The following TBC1D2 variants were observed in gnomAD, a reference collection of about 807,000 sequenced individuals.
TBC1D2 encodes the protein TBC1 domain family member 2A.
A neutral mutation model predicts 91.1 loss-of-function variants in TBC1D2; 58 were observed. The observed-to-expected ratio is 0.64, with a 90% CI of 0.52 to 0.79. The LOEUF (loss-of-function observed/expected upper bound fraction) is 0.79. Ranked by LOEUF, TBC1D2 falls within the 30% of genes least tolerant of loss-of-function variation. The pLI is 0.00. For synonymous variants in TBC1D2, 482 were observed against 511.5 expected (o/e 0.94, Z 0.78); for missense variants, 1,080 against 1,208.3 (o/e 0.89, Z 1.57).
chr9:98,213,734 C>G (rs1380199933), intron 6 of TBC1D2, among the ~76,000 whole-genome samples: 4 of 152,242 alleles, frequency 2.6e-5, no homozygotes, highest in South Asian at 4.1e-4. Flanking sequence ...TCCCAGTGAT[C>G]ATTTTTAACC....
chr9:98,200,173 G>A, intron 12 of TBC1D2, 80 bp downstream of exon 12: 2 of 1,572,424 alleles, frequency 1.3e-6, no homozygotes. Flanking sequence ...TCTCTACTTG[G>A]CAAACATCAG....
chr9:98,254,479 G>A (rs28629206), intron 1 of TBC1D2, among the ~76,000 whole-genome samples: 7 of 152,210 alleles, frequency 4.6e-5, no homozygotes, highest in African/African-American at 1.7e-4. Flanking sequence ...AACTTGTCCA[G>A]GGTCACACAG....
rs58713846 is a variant in TBC1D2 at position 98,247,728 on chromosome 9, C to CAAAAAAA, written c.512-3606_512-3600dup. Among the ~76,000 whole-genome samples, 6 of 70,834 alleles carry CAAAAAAA rather than the reference C, an allele frequency of 8.5e-5. 1 individual carries two copies. Among genetic ancestry groups the CAAAAAAA allele is most frequent in the Non-Finnish European group, 9.0e-5 (3 of 33,444 alleles). The allele number at this position is 70,834 out of a possible 152,430, so 46.5% of individuals were successfully genotyped here. ...TGGGTGACAGAGCGAGACTCCGTCTCAAAAAAAAAAAAAAAAAAAAAAGCC... is the reference window on the plus strand; with the variant it reads ...TGGGTGACAGAGCGAGACTCCGTCTCAAAAAAAAAAAAAAAAAAAAAAAAAAAAAGCC... On this transcript the variant is annotated intron_variant, in intron 2 of 12. Coordinates refer to ENST00000465784, the MANE Select transcript of TBC1D2 (RefSeq NM_001267571.2).
At chr9:98,219,600 T>C (rs1160563615) in intron 6 of TBC1D2, among the ~76,000 whole-genome samples, 14 of 152,226 alleles carry the variant, frequency 9.2e-5, no homozygotes, top group Non-Finnish European at 1.5e-5. Flanking sequence ...GTGTAGCCTA[T>C]TGCTCCGAGG....
chr9:98,233,763 A>G (rs1460798959), intron 3 of TBC1D2, among the ~76,000 whole-genome samples: 2 of 151,988 alleles, frequency 1.3e-5, no homozygotes, highest in African/African-American at 2.4e-5. Context: ...TCTTCCACAC[A>G]CTATGTGGCT....
intron 4 of TBC1D2, 53 bp downstream of exon 4, chr9:98,233,363 C>T: frequency 1.3e-6 from 2 of 1,561,734 alleles, no homozygotes; most frequent in Non-Finnish European, 1.7e-6. Context: ...GCACTTGTGC[C>T]AGCCGTGAGG....
chr9:98,255,622 T>A lies in TBC1D2; in HGVS notation c.-81A>T. 7.1e-7 allele frequency: 1 copy of A among 1,399,070 alleles called. No individual in the cohort carries two copies. The highest frequency in any genetic ancestry group is 9.3e-7 in the Non-Finnish European group (1 of 1,080,160). 86.7% of individuals were successfully genotyped at this position (1,399,070 alleles called of 1,614,324 possible). On this transcript the variant is annotated 5_prime_UTR_variant, in exon 1 of 13. Coordinates refer to ENST00000465784, the MANE Select transcript of TBC1D2 (RefSeq NM_001267571.2). ...AATCTCGGAGACTCGGCGGGCAGCT[T>A]CCCAAAGGGAGACACCTGGGCGGGG...
At chr9:98,210,425 A>G (rs887236443) in intron 8 of TBC1D2, among the ~76,000 whole-genome samples, 1 of 152,202 alleles carries the variant, frequency 6.6e-6, no homozygotes, top group South Asian at 2.1e-4. Context: ...AATGGAAAGC[A>G]TGGGGCTCTG....
chr9:98,226,370 G>A (rs528408053), intron 5 of TBC1D2, among the ~76,000 whole-genome samples: 1 of 152,350 alleles, frequency 6.6e-6, no homozygotes, highest in South Asian at 2.1e-4. Context: ...TTGACATGGA[G>A]GGTAAGGAGG....
intron 9 of TBC1D2, among the ~76,000 whole-genome samples, chr9:98,204,865 T>A (rs1330668581): frequency 1.3e-5 from 2 of 152,194 alleles, no homozygotes; most frequent in Non-Finnish European, 2.9e-5. Context: ...CTGGCCTCTA[T>A]CCTTTTCGTC....
intron 6 of TBC1D2, among the ~76,000 whole-genome samples, chr9:98,220,089 G>A (rs894889372): frequency 6.6e-6 from 1 of 152,196 alleles, no homozygotes. Flanking sequence ...GGGGAAGGAA[G>A]GGGAGGAAAG....
intron 12 of TBC1D2, 101 bp downstream of exon 12, chr9:98,200,152 T>A: frequency 6.6e-7 from 1 of 1,505,534 alleles, no homozygotes; most frequent in East Asian, 2.3e-5. Context: ...AGCATCAGCG[T>A]CACTTACCAA....
chr9:98,220,476 G>A (rs991730210), intron 6 of TBC1D2, among the ~76,000 whole-genome samples: 4 of 152,152 alleles, frequency 2.6e-5, no homozygotes, highest in Non-Finnish European at 5.9e-5. Context: ...GCTCTCGGGT[G>A]CACTGGGATG....
intron 3 of TBC1D2, among the ~76,000 whole-genome samples, chr9:98,236,165 A>T (rs1356949343): frequency 6.6e-6 from 1 of 152,158 alleles, no homozygotes; most frequent in Non-Finnish European, 1.5e-5. Flanking sequence ...AAAAAAAAAC[A>T]ATTGACCATC....
chr9:98,226,970 T>C (rs997116045), intron 5 of TBC1D2, among the ~76,000 whole-genome samples: 1 of 152,368 alleles, frequency 6.6e-6, no homozygotes, highest in East Asian at 1.9e-4. Flanking sequence ...TTCTACTTCA[T>C]CTGACAATTT....
chr9:98,210,636 TC>T lies in TBC1D2; in HGVS notation c.1673+19del. 6.4e-7 allele frequency: 1 copy of T among 1,559,566 alleles called. No individual in the cohort carries two copies. Among genetic ancestry groups the T allele is most frequent in the Non-Finnish European group, 8.7e-7 (1 of 1,150,158 alleles). ...CCGCCAGCTCACATAGACCAGCCCTTCCTGGGCCGCCAGGCTCACCTGATGG... is the reference window on the plus strand; with the variant it reads ...CCGCCAGCTCACATAGACCAGCCCTTCTGGGCCGCCAGGCTCACCTGATGG... On this transcript the variant is annotated intron_variant, in intron 8 of 12. Coordinates refer to ENST00000465784, the MANE Select transcript of TBC1D2 (RefSeq NM_001267571.2).
intron 6 of TBC1D2, chr9:98,213,430 C>G: frequency 7.3e-7 from 1 of 1,364,490 alleles, no homozygotes; most frequent in Non-Finnish European, 9.5e-7. Context: ...ACCAGTAGGT[C>G]TGAATTTAAG....
intron 5 of TBC1D2, among the ~76,000 whole-genome samples, chr9:98,223,028 C>T (rs1829137331): frequency 6.6e-6 from 1 of 152,220 alleles, no homozygotes; most frequent in Non-Finnish European, 1.5e-5. Context: ...GAGCCAGGTG[C>T]CGTGGCCCAG....
At chr9:98,247,039 A>T (rs1317215238) in intron 2 of TBC1D2, among the ~76,000 whole-genome samples, 1 of 151,956 alleles carries the variant, frequency 6.6e-6, no homozygotes, top group African/African-American at 2.4e-5. Context: ...AAAAAAAAAA[A>T]ATCAAGGGCC....
Sources: allele counts gnomAD v4.1 joint callset (sites outside exome capture counted in the v4.1 genomes callset), GRCh38; gene constraint gnomAD v4.1.1; transcripts MANE v1.5; gene names NCBI Gene and HGNC (gene_info 2026-07-23, HGNC 2026-07-21).